Variants in QRFPR observed in about 807,000 individuals in gnomAD.
The protein encoded by QRFPR is pyroglutamylated RF-amide peptide receptor.
QRFPR carries 37 observed loss-of-function variants against 31.3 expected under a neutral mutation model. The observed-to-expected ratio is 1.18, with a 90% CI of 0.91 to 1.56. QRFPR has a LOEUF of 1.56. Among genes scored for constraint, QRFPR ranks in the 40% most tolerant of loss-of-function variants. The pLI is 0.00. For missense variants in QRFPR, 542 were observed against 532.5 expected, an observed-to-expected ratio of 1.02 and a Z score of -0.18; for synonymous variants, 197 against 192.0, an observed-to-expected ratio of 1.03 and a Z score of -0.22.
In QRFPR at chr4:121,329,256, AT is replaced by A; in HGVS notation, c.*57del. On this transcript the variant is annotated 3_prime_UTR_variant, in exon 6 of 6. Transcript: ENST00000394427. ...AAAGAGTATTTGACCTTTGCTCAAAATAATTTTCTCTTTGGGTTACAATCTG... is the reference window on the plus strand; with the variant it reads ...AAAGAGTATTTGACCTTTGCTCAAAAAATTTTCTCTTTGGGTTACAATCTG... The A allele has an allele frequency of 7.5e-7, 1 of 1,330,436 alleles. No homozygotes were observed. Among genetic ancestry groups the A allele is most frequent in the Non-Finnish European group, 1.0e-6 (1 of 967,974 alleles). The allele number at this position is 1,330,436 out of a possible 1,614,324, so 82.4% of individuals were successfully genotyped here.
Position 121,380,777 on chromosome 4 carries a change from G to T in QRFPR, c.-130C>A. 1 of 820,366 alleles carries T rather than the reference G, an allele frequency of 1.2e-6. No individual in the cohort carries two copies. Among genetic ancestry groups the T allele is most frequent in the South Asian group, 1.8e-5 (1 of 54,676 alleles). 50.8% of individuals were successfully genotyped at this position (820,366 alleles called of 1,614,324 possible). Reference sequence around the variant, plus strand: ...TCCTCTACTCTGGAGTCAGCCGCGCGGGAGGGCTCTAGGCTGCACCCCGGG... The same window carrying T: ...TCCTCTACTCTGGAGTCAGCCGCGCTGGAGGGCTCTAGGCTGCACCCCGGG... On this transcript the variant is annotated 5_prime_UTR_variant, in exon 1 of 6. Transcript: ENST00000394427.
At chr4:121,337,002 A>C in intron 2 of QRFPR, 134 bp from the exon 3 acceptor site, 1 of 769,884 alleles carries the variant, frequency 1.3e-6, no homozygotes, top group Non-Finnish European at 2.3e-6. Context: ...GGTCTCCCCC[A>C]AGTTTCATGC....
At chr4:121,330,556 C>A (rs1160463682) in intron 4 of QRFPR, 33 bp from the exon 5 acceptor site, 7 of 1,534,566 alleles carry the variant, frequency 4.6e-6, no homozygotes, top group Non-Finnish European at 6.3e-6. Flanking sequence ...TATTAGTTAA[C>A]TTCTCCTTGG....
At chr4:121,353,364 T>C (rs1390033437) in intron 1 of QRFPR, among the ~76,000 whole-genome samples, 1 of 152,068 alleles carries the variant, frequency 6.6e-6, no homozygotes, top group Non-Finnish European at 1.5e-5. Context: ...TCTCTCCCCA[T>C]CCTGGCCAGC....
chr4:121,343,767 C>T (rs1013710051), intron 1 of QRFPR, among the ~76,000 whole-genome samples: 1 of 151,990 alleles, frequency 6.6e-6, no homozygotes, highest in Admixed American at 6.6e-5. Flanking sequence ...ATTTTAAATA[C>T]AACTATCCAA....
At chr4:121,362,578 T>G (rs978907354) in intron 1 of QRFPR, among the ~76,000 whole-genome samples, 2 of 150,240 alleles carry the variant, frequency 1.3e-5, no homozygotes, top group African/African-American at 4.9e-5. Flanking sequence ...TCAGACTTAT[T>G]TTAAAGCTAC....
intron 1 of QRFPR, among the ~76,000 whole-genome samples, chr4:121,355,808 T>C (rs1370289459): frequency 6.6e-6 from 1 of 152,142 alleles, no homozygotes; most frequent in Non-Finnish European, 1.5e-5. Context: ...AAAAATTTCT[T>C]TATTGATGCA....
chr4:121,349,354 T>C (rs565415684), intron 1 of QRFPR, among the ~76,000 whole-genome samples: 1 of 152,274 alleles, frequency 6.6e-6, no homozygotes, highest in South Asian at 2.1e-4. Context: ...TTGGAATTCC[T>C]GGATTGATCC....
chr4:121,354,362 T>G (rs1342431418), intron 1 of QRFPR, among the ~76,000 whole-genome samples: 3 of 151,946 alleles, frequency 2.0e-5, no homozygotes, highest in East Asian at 3.8e-4. Flanking sequence ...TTCCATTTTT[T>G]TATGTGTGTC....
chr4:121,340,434 C>T lies in QRFPR; in HGVS notation c.499+18G>A, dbSNP rs1200666434. The T allele has an allele frequency of 5.6e-6, 9 of 1,612,764 alleles. No individual in the cohort carries two copies. The highest frequency in any genetic ancestry group is 7.6e-6 in the Non-Finnish European group (9 of 1,178,990). On this transcript the variant is annotated intron_variant, in intron 2 of 5. Transcript: ENST00000394427. ...AGAATGTCATTCACACTGCCATTGGCACATCCAGTGGCCTCACCTAGCATT... is the reference window on the plus strand; with the variant it reads ...AGAATGTCATTCACACTGCCATTGGTACATCCAGTGGCCTCACCTAGCATT...
chr4:121,337,483 A>G (rs773612380), intron 2 of QRFPR, among the ~76,000 whole-genome samples: 5 of 152,184 alleles, frequency 3.3e-5, no homozygotes, highest in Non-Finnish European at 7.3e-5. Flanking sequence ...ACACAATGCC[A>G]TTTATTTTTG....
intron 2 of QRFPR, among the ~76,000 whole-genome samples, chr4:121,339,160 G>C (rs968223404): frequency 1.3e-5 from 2 of 152,094 alleles, no homozygotes; most frequent in African/African-American, 4.8e-5. Context: ...GCCCAATACT[G>C]GCTAAATTCT....
intron 1 of QRFPR, among the ~76,000 whole-genome samples, chr4:121,365,502 TATATATAA>T (rs1560743347): frequency 0.033 from 18 of 552 alleles, 3 homozygotes; most frequent in Non-Finnish European, 0.067. Flanking sequence ...ATATATATAA[TATATATAA>T]TATATATTAT....
intron 1 of QRFPR, among the ~76,000 whole-genome samples, chr4:121,371,070 T>C (rs978953890): frequency 1.3e-5 from 2 of 152,234 alleles, no homozygotes; most frequent in East Asian, 1.9e-4. Context: ...TATTGTTTGA[T>C]TCCACAATCC....
At chr4:121,332,166 G>A (rs1376717356) in intron 4 of QRFPR, among the ~76,000 whole-genome samples, 1 of 151,910 alleles carries the variant, frequency 6.6e-6, no homozygotes, top group Non-Finnish European at 1.5e-5. Context: ...TCCATTTAAG[G>A]CTTTTTTTTG....
At chr4:121,364,478 T>C (rs1164416676) in intron 1 of QRFPR, among the ~76,000 whole-genome samples, 1 of 148,414 alleles carries the variant, frequency 6.7e-6, no homozygotes, top group Non-Finnish European at 1.5e-5. Flanking sequence ...CTACTAAAAA[T>C]ACAAAAACAA....
chr4:121,339,441 A>G (rs1290646682), intron 2 of QRFPR, among the ~76,000 whole-genome samples: 1 of 152,180 alleles, frequency 6.6e-6, no homozygotes, highest in African/African-American at 2.4e-5. Flanking sequence ...CTGACTCAGG[A>G]ACAATTACAG....
intron 1 of QRFPR, among the ~76,000 whole-genome samples, chr4:121,342,942 A>G (rs1725570954): frequency 6.6e-6 from 1 of 152,168 alleles, no homozygotes; most frequent in Non-Finnish European, 1.5e-5. Flanking sequence ...GTGGCTCCAC[A>G]TGTATTTGAC....
intron 1 of QRFPR, among the ~76,000 whole-genome samples, chr4:121,359,624 C>A: frequency 8.0e-6 from 1 of 125,574 alleles, no homozygotes; most frequent in Admixed American, 8.8e-5. Flanking sequence ...TTAGTAAACT[C>A]ATATATATAT....
Sources: gnomAD v4.1 joint callset for allele counts (sites outside exome capture counted in the v4.1 genomes callset) on GRCh38, gnomAD v4.1.1 for gene constraint, MANE v1.5 for transcripts, NCBI Gene and HGNC (gene_info 2026-07-23, HGNC 2026-07-21) for gene names.